Variants in CDK14 observed in about 807,000 individuals in gnomAD.
CDK14 encodes the protein cyclin dependent kinase 14.
CDK14 carries 34 observed loss-of-function variants against 60.7 expected under a neutral mutation model. That is an observed-to-expected ratio of 0.56 (90% CI 0.43 to 0.75). The LOEUF is 0.75. CDK14 is among the 30% of genes least tolerant of loss of function. The pLI is 0.00. For synonymous variants in CDK14, 197 were observed against 203.7 expected, an observed-to-expected ratio of 0.97 and a Z score of 0.28; for missense variants, 482 against 564.1, an observed-to-expected ratio of 0.85 and a Z score of 1.47.
At chr7:90,834,088 G>A (rs539980197) in intron 5 of CDK14, among the ~76,000 whole-genome samples, 5 of 152,278 alleles carry the variant, frequency 3.3e-5, no homozygotes, top group African/African-American at 1.2e-4. Context: ...TCATCATATG[G>A]TCTTAGGCTC....
intron 1 of CDK14, 82 bp downstream of exon 1, chr7:90,596,800 G>A (rs1799196467): frequency 1.7e-6 from 2 of 1,179,858 alleles, no homozygotes; most frequent in East Asian, 2.4e-5. Flanking sequence ...CACCAGCCAT[G>A]CAGCTGCCAG....
chr7:90,858,879 G>T (rs1351093377), intron 5 of CDK14, among the ~76,000 whole-genome samples: 1 of 152,178 alleles, frequency 6.6e-6, no homozygotes, highest in Non-Finnish European at 1.5e-5. Flanking sequence ...AAAGAAAGAA[G>T]ATTGTAAATT....
intron 11 of CDK14, among the ~76,000 whole-genome samples, chr7:91,073,472 A>G (rs574870045): frequency 1.3e-5 from 2 of 152,312 alleles, no homozygotes; most frequent in East Asian, 1.9e-4. Flanking sequence ...TTTCACCACC[A>G]GGCCTGTCTT....
intron 14 of CDK14, among the ~76,000 whole-genome samples, chr7:91,152,449 A>G (rs1800853098): frequency 6.6e-6 from 1 of 152,164 alleles, no homozygotes; most frequent in African/African-American, 2.4e-5. Context: ...TATCTAATTC[A>G]TTTCATTCAT....
intron 12 of CDK14, among the ~76,000 whole-genome samples, chr7:91,096,961 A>G (rs1251660045): frequency 6.6e-6 from 1 of 152,244 alleles, no homozygotes; most frequent in Non-Finnish European, 1.5e-5. Flanking sequence ...CTACACCCTC[A>G]ACAGGATACA....
At chr7:91,153,792 T>C (rs958187832) in intron 14 of CDK14, among the ~76,000 whole-genome samples, 6 of 152,154 alleles carry the variant, frequency 3.9e-5, no homozygotes, top group East Asian at 3.9e-4. Context: ...CTAGGCATAC[T>C]ACCTGGGTAA....
At chr7:90,829,962 C>A (rs906312322) in intron 5 of CDK14, among the ~76,000 whole-genome samples, 2 of 152,198 alleles carry the variant, frequency 1.3e-5, no homozygotes, top group African/African-American at 4.8e-5. Context: ...AGGTAGAGCC[C>A]CCATTGCTGC....
chr7:90,709,364 T>C (rs1801976730), intron 2 of CDK14: 9 of 1,327,520 alleles, frequency 6.8e-6, no homozygotes, highest in Non-Finnish European at 8.8e-6. Context: ...CTTTCTCCAG[T>C]GCTCTTAAAA....
intron 10 of CDK14, among the ~76,000 whole-genome samples, chr7:91,025,861 T>C (rs1796556425): frequency 6.6e-6 from 1 of 152,212 alleles, no homozygotes; most frequent in African/African-American, 2.4e-5. Context: ...AGGAGTTGCA[T>C]TGTTGCCAGT....
intron 14 of CDK14, among the ~76,000 whole-genome samples, chr7:91,136,315 A>G (rs1800277182): frequency 6.6e-6 from 1 of 152,176 alleles, no homozygotes; most frequent in Non-Finnish European, 1.5e-5. Flanking sequence ...CACATTTACA[A>G]AGAGGAGTGT....
In CDK14 at chr7:91,131,437, T is replaced by A. The variant is rs78234044; in HGVS notation, c.*28+13229T>A. Among the ~76,000 whole-genome samples the A allele has an allele frequency of 6.4e-3, 974 of 152,236 alleles. 19 individuals carry two copies. The highest frequency in any genetic ancestry group is 0.022 in the African/African-American group (932 of 41,542). On this transcript the variant is annotated intron_variant, in intron 14 of 14. Transcript: ENST00000380050. ...CCAACGTGATATCCAGGATGTAAAG[T>A]CAGAGAAGCTGGAGATCTGGGACAG...
In CDK14 at chr7:90,947,664, G is replaced by A. The variant is rs147001429; in HGVS notation, c.827-8033G>A. ...TATTATCTACAATAAGACCAGGTAA[G>A]GATATTGCCTCCTCCTACTACTTAA... On this transcript the variant is annotated intron_variant, in intron 8 of 14. Coordinates refer to ENST00000380050, the MANE Select transcript of CDK14 (RefSeq NM_001287135.2). 8.5e-5 allele frequency among the ~76,000 whole-genome samples: 13 copies of A among 152,146 alleles called. No homozygotes were observed. The East Asian group carries it at 2.5e-3, about 29-fold the overall frequency.
intron 2 of CDK14, among the ~76,000 whole-genome samples, chr7:90,651,082 T>C (rs1326656668): frequency 6.6e-6 from 1 of 152,196 alleles, no homozygotes; most frequent in Non-Finnish European, 1.5e-5. Context: ...ATTCTTCCTA[T>C]CCATGAGCAT....
At chr7:91,079,151 C>A (rs2116220282) in intron 11 of CDK14, among the ~76,000 whole-genome samples, 1 of 152,170 alleles carries the variant, frequency 6.6e-6, no homozygotes, top group South Asian at 2.1e-4. Flanking sequence ...TTTCTTTTTT[C>A]AACTCAATTA....
chr7:90,851,134 G>A (rs1790635179), intron 5 of CDK14, among the ~76,000 whole-genome samples: 1 of 152,148 alleles, frequency 6.6e-6, no homozygotes, highest in Admixed American at 6.5e-5. Flanking sequence ...TACTGTGTCA[G>A]GAATCAGGAG....
chr7:90,628,175 T>C (rs1799914917), intron 2 of CDK14, among the ~76,000 whole-genome samples: 1 of 152,146 alleles, frequency 6.6e-6, no homozygotes, highest in African/African-American at 2.4e-5. Flanking sequence ...CAAGTTGGTC[T>C]TGAACTCCTG....
intron 6 of CDK14, among the ~76,000 whole-genome samples, chr7:90,872,777 G>A (rs1791415012): frequency 6.6e-6 from 1 of 152,124 alleles, no homozygotes; most frequent in Non-Finnish European, 1.5e-5. Flanking sequence ...AGATAGAAGT[G>A]TTTCTGATCT....
intron 14 of CDK14, among the ~76,000 whole-genome samples, chr7:91,162,153 T>C (rs1801186307): frequency 6.6e-6 from 1 of 152,236 alleles, no homozygotes; most frequent in African/African-American, 2.4e-5. Context: ...GACAGACTTT[T>C]GGAAAACCCT....
intron 8 of CDK14, among the ~76,000 whole-genome samples, chr7:90,929,114 C>T (rs950324907): frequency 2.6e-5 from 4 of 152,186 alleles, no homozygotes; most frequent in Admixed American, 6.5e-5. Flanking sequence ...TCCATTTTCT[C>T]GATTTTCTGT....
Sources: gnomAD v4.1 joint callset for allele counts (sites outside exome capture counted in the v4.1 genomes callset) on GRCh38, gnomAD v4.1.1 for gene constraint, MANE v1.5 for transcripts, NCBI Gene and HGNC (gene_info 2026-07-23, HGNC 2026-07-21) for gene names.